Variants in PPP1R9B observed in about 807,000 individuals in gnomAD.
PPP1R9B encodes the protein neurabin-2.
PPP1R9B carries 17 observed loss-of-function variants against 75.8 expected under a neutral mutation model. The observed-to-expected ratio is 0.22, with a 90% CI of 0.15 to 0.34. The LOEUF is 0.34. PPP1R9B is among the 10% of genes least tolerant of loss of function. The pLI is 1.00. For missense variants in PPP1R9B, 875 were observed against 1,196.0 expected (o/e 0.73, Z 3.96); for synonymous variants, 509 against 535.4 (o/e 0.95, Z 0.68).
Position 50,149,240 on chromosome 17 carries a change from T to G in PPP1R9B, c.1274A>C (p.Tyr425Ser). 6.2e-7 allele frequency: 1 copy of G among 1,610,968 alleles called. No individual in the cohort carries two copies. Among genetic ancestry groups the G allele is most frequent in the Non-Finnish European group, 8.5e-7 (1 of 1,178,926 alleles). ...EDDEEDGEPPYEPESGCVEIP... is the reference protein window; with the variant it reads ...EDDEEDGEPPSEPESGCVEIP... ...CTCCACGCACCCCGACTCGGGCTCG[T>G]AGGGGGGCTCCCCATCCTCCTCGTC... The change falls in exon 1 of 10, where the codon TAC (tyrosine) becomes TCC (serine). Residue 425 changes from tyrosine to serine, a missense_variant. By Grantham distance (144) the Tyr-to-Ser change is moderately radical. This residue lies in a region of PPP1R9B where 449 missense variants were observed against 475.0 expected (regional missense o/e 0.95). Coordinates refer to ENST00000612501, the MANE Select transcript of PPP1R9B (RefSeq NM_032595.5). The surrounding 1 kb of genome is among the most constrained non-coding windows in gnomAD (Gnocchi z 7.2).
In PPP1R9B at chr17:50,149,671, G is replaced by C; in HGVS notation, c.843C>G (p.His281Gln). ...GGGGCGGCCGGGCAGGGGCCACTCG[G>C]TGCTGCGGGGGCTGCTGCCCTGCGG... Reference protein sequence around the residue: ...RCPAGQQPPQHRVAPARPPPK... With the variant: ...RCPAGQQPPQQRVAPARPPPK... Residue 281 changes from histidine (H) to glutamine (Q), a missense_variant, in exon 1 of 10, where the codon CAC becomes CAG. His to Gln is a conservative substitution (Grantham distance 24). Around this residue, in one of 4 missense-constraint regions of PPP1R9B, gnomAD observed 449 missense variants for 475.0 expected, o/e 0.95. Coordinates refer to ENST00000612501, the MANE Select transcript of PPP1R9B (RefSeq NM_032595.5). The surrounding 1 kb of genome is among the most constrained non-coding windows in gnomAD (Gnocchi z 7.2). The C allele has an allele frequency of 6.7e-7, 1 of 1,483,568 alleles. No individual in the cohort carries two copies. The highest frequency in any genetic ancestry group is 8.9e-7 in the Non-Finnish European group (1 of 1,120,786). 91.9% of individuals were successfully genotyped at this position (1,483,568 alleles called of 1,614,324 possible).
At position 50,150,555 on chromosome 17, in the gene PPP1R9B, C is replaced by T; in HGVS notation, c.-42G>A. 7.9e-7 allele frequency: 1 copy of T among 1,266,912 alleles called. No homozygotes were observed. Among genetic ancestry groups the T allele is most frequent in the Non-Finnish European group, 9.9e-7 (1 of 1,005,952 alleles). The allele number at this position is 1,266,912 out of a possible 1,614,324, so 78.5% of individuals were successfully genotyped here. A position where few individuals can be genotyped will look rare whatever the true frequency, so the allele number is the denominator to read the frequency against. ...TTCGCATGCCCCTGCTCCCCGCTCC[C>T]CCGCTTCAACAGGCGGCTGGCCAAG... On this transcript the variant is annotated 5_prime_UTR_variant, in exon 1 of 10. Transcript: ENST00000612501. The surrounding 1 kb of genome is among the most constrained non-coding windows in gnomAD (Gnocchi z 8.7).
Position 50,140,310 on chromosome 17 carries a change from A to G in PPP1R9B, c.1731-82T>C. ...CCTCCCTGCTGATGCTCCCCTCTCC[A>G]AACTCAGGCCCTCCCAGGGGAGGAG... On this transcript the variant is annotated intron_variant, in intron 4 of 9. Coordinates refer to ENST00000612501, the MANE Select transcript of PPP1R9B (RefSeq NM_032595.5). 5.3e-6 allele frequency: 8 copies of G among 1,501,774 alleles called. No homozygotes were observed. The South Asian group carries it at 1.0e-4, about 19-fold the overall frequency. 93.0% of individuals were successfully genotyped at this position (1,501,774 alleles called of 1,614,324 possible). A position where few individuals can be genotyped will look rare whatever the true frequency, so the allele number is the denominator to read the frequency against.
chr17:50,149,750 G>T lies in PPP1R9B; in HGVS notation c.764C>A (p.Pro255Gln), dbSNP rs762807809. 8.5e-6 allele frequency: 12 copies of T among 1,407,990 alleles called. No individual in the cohort carries two copies. The South Asian group carries it at 1.7e-4, about 20-fold the overall frequency. The allele number at this position is 1,407,990 out of a possible 1,614,324, so 87.2% of individuals were successfully genotyped here. Residue 255 changes from proline to glutamine, a missense_variant, in exon 1 of 10, where the codon CCG becomes CAG. By Grantham distance (76) the Pro-to-Gln change is moderately conservative. This residue lies in a region of PPP1R9B where 449 missense variants were observed against 475.0 expected (regional missense o/e 0.95). Coordinates refer to ENST00000612501, the MANE Select transcript of PPP1R9B (RefSeq NM_032595.5). The surrounding 1 kb of genome is among the most constrained non-coding windows in gnomAD (Gnocchi z 7.2). Reference protein sequence around the residue: ...SKRSRVFQPPPPPPPAPSGDA... With the variant: ...SKRSRVFQPPQPPPPAPSGDA... ...CCCCGACGGGGCGGGCGGCGGCGGC[G>T]GCGGGGGCTGGAACACCCGGGACCG... is the stretch of plus-strand genomic sequence containing the variant.
intron 3 of PPP1R9B, 56 bp from the exon 4 acceptor site, chr17:50,141,429 G>T: frequency 4.2e-6 from 5 of 1,189,030 alleles, no homozygotes; most frequent in Non-Finnish European, 6.0e-6. Context: ...CGAGGGTAGA[G>T]GTAGCCTCCT....
intron 1 of PPP1R9B, among the ~76,000 whole-genome samples, chr17:50,145,701 G>T (rs1419539060): frequency 6.6e-6 from 1 of 151,948 alleles, no homozygotes; most frequent in Non-Finnish European, 1.5e-5. Flanking sequence ...GAGAGAGGAT[G>T]GAGAAGATGC....
Position 50,141,219 on chromosome 17 carries a change from G to A in PPP1R9B, c.1730+50C>T, listed in dbSNP as rs1274201643. The A allele has an allele frequency of 8.0e-6, 10 of 1,257,396 alleles. 1 individual carries two copies. In the South Asian group the frequency reaches 1.2e-4, roughly 15 times the overall value. 77.9% of individuals were successfully genotyped at this position (1,257,396 alleles called of 1,614,324 possible). A position where few individuals can be genotyped will look rare whatever the true frequency, so the allele number is the denominator to read the frequency against. ...GTTAAGGCAGGTGAACGGAGTGCCT[G>A]GACGAGGACCTCCTGCCCGCTCCCA... On this transcript the variant is annotated intron_variant, in intron 4 of 9. Transcript: ENST00000612501.
intron 7 of PPP1R9B, among the ~76,000 whole-genome samples, chr17:50,138,647 C>A (rs1192545974): frequency 6.6e-6 from 1 of 152,126 alleles, no homozygotes; most frequent in East Asian, 1.9e-4. Context: ...GACACATGGT[C>A]TCATTCTGTT....
intron 1 of PPP1R9B, 143 bp downstream of exon 1, chr17:50,149,000 C>T (rs921761895): frequency 2.8e-5 from 16 of 580,814 alleles, no homozygotes; most frequent in African/African-American, 6.0e-5. Flanking sequence ...CCACGCCCCC[C>T]TGAGGGTGGG....
At chr17:50,135,839 C>T (rs1912213681) in intron 8 of PPP1R9B, 129 bp downstream of exon 8, 6 of 881,684 alleles carry the variant, frequency 6.8e-6, no homozygotes, top group South Asian at 3.5e-5. Context: ...CATTCCGGAC[C>T]GGGTGTCCCC....
At position 50,142,080 on chromosome 17, in the gene PPP1R9B, C is replaced by G. The variant is rs929085953; in HGVS notation, c.1626-707G>C. ...CAAGTCCCCAAGACCGAATGGCACT[C>G]TCTCGAGTTCACACACTGTCCCACA... On this transcript the variant is annotated intron_variant, in intron 3 of 9. Transcript: ENST00000612501. This position sits in a 1 kb window ranked among gnomAD's most constrained non-coding sequence, Gnocchi z 4.1. Among the ~76,000 whole-genome samples the G allele has an allele frequency of 6.6e-6, 1 of 152,224 alleles. No homozygotes were observed. The highest frequency in any genetic ancestry group is 2.4e-5 in the African/African-American group (1 of 41,458).
At position 50,143,559 on chromosome 17, in the gene PPP1R9B, A is replaced by C. The variant is rs1158588172; in HGVS notation, c.1625+39T>G. ...CCCCACCAAGGATGGCCGGTCGGAG[A>C]GGGAAAAAGGGTCAGGCGAGACTGG... On this transcript the variant is annotated intron_variant, in intron 3 of 9. Coordinates refer to ENST00000612501, the MANE Select transcript of PPP1R9B (RefSeq NM_032595.5). 3.8e-6 allele frequency: 6 copies of C among 1,584,594 alleles called. No individual in the cohort carries two copies. The Admixed American group carries it at 8.4e-5, about 22-fold the overall frequency.
rs529869463 is a variant in PPP1R9B, at chr17:50,138,978, G to A, written c.2073+285C>T. On this transcript the variant is annotated intron_variant, in intron 7 of 9. Transcript: ENST00000612501. ...ACACATTGTGCTAAAGACTTGACGT[G>A]TGTTATCTCATTTAATCCCACAACG... Among the ~76,000 whole-genome samples, 14 of 152,318 alleles carry A rather than the reference G, an allele frequency of 9.2e-5. No individual in the cohort carries two copies. In the South Asian group the frequency reaches 2.1e-3, roughly 23 times the overall value.
Position 50,135,066 on chromosome 17 carries a change from C to T in PPP1R9B, c.*265G>A, listed in dbSNP as rs552257744. On this transcript the variant is annotated 3_prime_UTR_variant, in exon 10 of 10. Coordinates refer to ENST00000612501, the MANE Select transcript of PPP1R9B (RefSeq NM_032595.5). ...GTCCGTCGACCACCAGGCCAGCCCT[C>T]GGCAGCCCTCGGCCTCTGTGCCTCA... The T allele has an allele frequency of 2.3e-4, 124 of 539,960 alleles. No homozygotes were observed. Among genetic ancestry groups the T allele is most frequent in the African/African-American group, 2.2e-3 (116 of 52,706 alleles). The allele number at this position is 539,960 out of a possible 1,614,324, so 33.4% of individuals were successfully genotyped here.
At chr17:50,146,979 G>A (rs1052867696) in intron 1 of PPP1R9B, among the ~76,000 whole-genome samples, 7 of 152,094 alleles carry the variant, frequency 4.6e-5, no homozygotes, top group Admixed American at 4.6e-4. Flanking sequence ...TAGGAGACAC[G>A]GTCCCTTCAT....
At chr17:50,140,826 C>G (rs1912356266) in intron 4 of PPP1R9B, among the ~76,000 whole-genome samples, 1 of 152,132 alleles carries the variant, frequency 6.6e-6, no homozygotes, top group South Asian at 2.1e-4. Context: ...ACACAGGGAG[C>G]TTCTGATCCA....
chr17:50,136,269 T>C (rs1912227520), intron 7 of PPP1R9B, 72 bp from the exon 8 acceptor site: 16 of 1,328,976 alleles, frequency 1.2e-5, no homozygotes, highest in Non-Finnish European at 1.6e-5. Context: ...ATCCTAGCAC[T>C]GGGGCCAGAG....
Position 50,143,632 on chromosome 17 carries a change from C to T in PPP1R9B, c.1591G>A (p.Val531Met), listed in dbSNP as rs375436738. Residue 531 changes from valine to methionine, a missense_variant, in exon 3 of 10, where the codon GTG (valine) becomes ATG (methionine). Val to Met is a conservative substitution (Grantham distance 21). Coordinates refer to ENST00000612501, the MANE Select transcript of PPP1R9B (RefSeq NM_032595.5). Reference sequence around the variant, plus strand: ...CGATGGGCCGCACCACCCTCCGTCACGGTCTTGACGAAGATACCCAGCTTC... The same window carrying T: ...CGATGGGCCGCACCACCCTCCGTCATGGTCTTGACGAAGATACCCAGCTTC... ...LEKLGIFVKT[V>M]TEGGAAHRDG... 28 of 1,613,922 alleles carry T rather than the reference C, an allele frequency of 1.7e-5. No individual in the cohort carries two copies. Among genetic ancestry groups the T allele is most frequent in the Admixed American group, 3.3e-5 (2 of 60,006 alleles).
intron 1 of PPP1R9B, among the ~76,000 whole-genome samples, chr17:50,147,331 C>T (rs1912541833): frequency 6.6e-6 from 1 of 152,222 alleles, no homozygotes; most frequent in Admixed American, 6.5e-5. Context: ...AGAAGGGCAA[C>T]AATTGGGTCA....
Sources: allele counts gnomAD v4.1 joint callset (sites outside exome capture counted in the v4.1 genomes callset), GRCh38; gene constraint gnomAD v4.1.1; regional missense constraint gnomAD v4.1.1; non-coding constraint Gnocchi (gnomAD v3.1); transcripts MANE v1.5; gene names NCBI Gene and HGNC (gene_info 2026-07-23, HGNC 2026-07-21).